TUBGCP2: variants seen among roughly 807,000 people sequenced by gnomAD.
The protein encoded by TUBGCP2 is tubulin gamma complex component 2.
A neutral mutation model predicts 92.2 loss-of-function variants in TUBGCP2; 55 were observed. That is an observed-to-expected ratio of 0.60 (90% confidence interval 0.48 to 0.75). The LOEUF (loss-of-function observed/expected upper bound fraction) is 0.75, where lower values mean the gene tolerates loss of function less well. Among genes scored for constraint, TUBGCP2 ranks in the 30% least tolerant of loss-of-function variants. The probability of loss-of-function intolerance (pLI) is 0.00; values close to 1 mark genes in which losing one functional copy is unlikely to be tolerated. For synonymous variants in TUBGCP2, 533 were observed against 505.2 expected (o/e 1.06, Z -0.74); for missense variants, 1,093 against 1,188.9 (o/e 0.92, Z 1.19).
intron 1 of TUBGCP2, among the ~76,000 whole-genome samples, chr10:133,303,376 G>A (rs577081094): frequency 2.6e-5 from 4 of 152,342 alleles, no homozygotes; most frequent in South Asian, 2.1e-4. Flanking sequence ...GGCGGCCTCC[G>A]CAGCTCCGGG....
intron 10 of TUBGCP2, among the ~76,000 whole-genome samples, 162 bp downstream of exon 10, chr10:133,288,678 G>GTT (rs1847195840): frequency 2.0e-5 from 3 of 151,930 alleles, no homozygotes; most frequent in Admixed American, 6.5e-5. Flanking sequence ...ACCACCCACT[G>GTT]TGAGTGCCAG....
chr10:133,293,093 G>C lies in TUBGCP2; in HGVS notation c.970C>G (p.Leu324Val), dbSNP rs747728123. 4 of 1,613,838 alleles carry C rather than the reference G, an allele frequency of 2.5e-6. 1 individual carries two copies. The South Asian group carries it at 4.4e-5, about 18-fold the overall frequency. The change falls in exon 7 of 18, where the codon CTC (leucine) becomes GTC (valine). Residue 324 changes from leucine (L) to valine (V), a missense_variant. By Grantham distance (32) the Leu-to-Val change is conservative. Around this residue, in one of 3 missense-constraint regions of TUBGCP2, gnomAD observed 490 missense variants for 488.5 expected, o/e 1.00. Coordinates refer to ENST00000252936, the MANE Select transcript of TUBGCP2 (RefSeq NM_006659.4). ...ATGGCTGGCTGGATGTAGAACCAGA[G>C]CTTCTGCAGCGAAAGGAGGCCCTGC... is the stretch of plus-strand genomic sequence containing the variant. ...HRQGLLSLQK[L>V]WFYIQPAMRT...
intron 9 of TUBGCP2, 59 bp from the exon 10 acceptor site, chr10:133,289,079 G>A: frequency 1.3e-6 from 2 of 1,562,704 alleles, no homozygotes; most frequent in Middle Eastern, 1.7e-4. Flanking sequence ...GGCCCCAGCT[G>A]TCTTTGTCTA....
At chr10:133,297,665 C>A (rs896602624) in intron 5 of TUBGCP2, among the ~76,000 whole-genome samples, 1 of 152,204 alleles carries the variant, frequency 6.6e-6, no homozygotes, top group South Asian at 2.1e-4. Flanking sequence ...TGGGGAGGGG[C>A]CTGCTGCAGG....
chr10:133,290,258 G>A lies in TUBGCP2; in HGVS notation c.1215-289C>T, dbSNP rs1847251177. On this transcript the variant is annotated intron_variant, in intron 8 of 17. Transcript: ENST00000252936. ...GCCTGTAACCCCAGCACTTTGGGAG[G>A]CTGAGGTGGGCAGATCACGAAGTCA... 36 of 332,620 alleles carry A rather than the reference G, an allele frequency of 1.1e-4. No individual in the cohort carries two copies. The South Asian group carries it at 1.3e-3, about 12-fold the overall frequency. 20.6% of individuals were successfully genotyped at this position (332,620 alleles called of 1,614,324 possible).
intron 17 of TUBGCP2, among the ~76,000 whole-genome samples, chr10:133,280,618 A>G (rs1298036846): frequency 6.6e-6 from 1 of 152,206 alleles, no homozygotes; most frequent in Non-Finnish European, 1.5e-5. Context: ...GTCACACCCC[A>G]GGGAGAGCTG....
rs1847712009 is a variant in TUBGCP2, at chr10:133,302,998, G to A, written c.-39-18C>T. The A allele has an allele frequency of 1.9e-6, 3 of 1,596,106 alleles. No individual in the cohort carries two copies. Among genetic ancestry groups the A allele is most frequent in the South Asian group, 1.1e-5 (1 of 90,616 alleles). On this transcript the variant is annotated intron_variant, in intron 1 of 17. Coordinates refer to ENST00000252936, the MANE Select transcript of TUBGCP2 (RefSeq NM_006659.4). ...ATGTTCTCCTATAGGTAAGAAGACA[G>A]CTATTCATAAAATTCAAACTGTAGA...
In TUBGCP2 at chr10:133,285,248, C is replaced by A. The variant is rs1847101459; in HGVS notation, c.1896-35G>T. 1 of 1,608,806 alleles carries A rather than the reference C, an allele frequency of 6.2e-7. No homozygotes were observed. Among genetic ancestry groups the A allele is most frequent in the African/African-American group, 1.3e-5 (1 of 74,936 alleles). On this transcript the variant is annotated intron_variant, in intron 12 of 17. Transcript: ENST00000252936. The surrounding 1 kb of genome is among the most constrained non-coding windows in gnomAD (Gnocchi z 6.8). ...ACGTGGCGGCACCTCAGGTGGGCCT[C>A]CGTGACCGGCGGCGTCGTGGACACG...
intron 2 of TUBGCP2, chr10:133,302,359 C>T: frequency 5.6e-6 from 1 of 178,790 alleles, no homozygotes; most frequent in Non-Finnish European, 1.1e-5. Flanking sequence ...TCACCCTGCA[C>T]CCCGCACAGC....
In TUBGCP2 at chr10:133,293,561, C is replaced by G. The variant is rs1360074402; in HGVS notation, c.824+1G>C. The G allele has an allele frequency of 2.8e-5, 43 of 1,551,278 alleles. No individual in the cohort carries two copies. Among genetic ancestry groups the G allele is most frequent in the Non-Finnish European group, 3.7e-5 (42 of 1,147,284 alleles). ...TCCCAGGGACCGCGCCCGGTGCCCA[C>G]CTGGTCACAGCGGAGTAGCTGGCGG... On this transcript the variant is annotated splice_donor_variant, in intron 6 of 17. Coordinates refer to ENST00000252936, the MANE Select transcript of TUBGCP2 (RefSeq NM_006659.4). LOFTEE classifies it high-confidence loss of function.
intron 11 of TUBGCP2, among the ~76,000 whole-genome samples, chr10:133,286,848 G>A (rs1010910377): frequency 6.6e-6 from 1 of 152,174 alleles, no homozygotes; most frequent in African/African-American, 2.4e-5. Context: ...AAATTATGAC[G>A]CTAGGGGATC....
rs760773137 is a variant in TUBGCP2, at chr10:133,289,961, A to G, written c.1223T>C (p.Met408Thr). Residue 408 changes from methionine to threonine, a missense_variant, in exon 9 of 18, where the codon ATG becomes ACG. Around this residue, in one of 3 missense-constraint regions of TUBGCP2, gnomAD observed 598 missense variants for 675.5 expected, o/e 0.89. Transcript: ENST00000252936. ...CTTCCGCAGCTCGTGCTCCTCGACC[A>G]TAAACTCACTAAAACCACAGGGAGC... Reference protein sequence around the residue: ...GIIHDPYSEFMVEEHELRKER... With the variant: ...GIIHDPYSEFTVEEHELRKER... 1.2e-6 allele frequency: 2 copies of G among 1,613,810 alleles called. No homozygotes were observed. Among genetic ancestry groups the G allele is most frequent in the Admixed American group, 1.7e-5 (1 of 60,022 alleles).
chr10:133,281,600 A>G, intron 16 of TUBGCP2, 164 bp from the exon 17 acceptor site: 1 of 951,352 alleles, frequency 1.1e-6, no homozygotes, highest in Non-Finnish European at 1.5e-6. Context: ...AAAAGACATC[A>G]AAAAACATTC....
At chr10:133,309,012 A>T (rs775486391), upstream of TUBGCP2, 161 of 1,257,594 alleles carry the variant, frequency 1.3e-4, 1 homozygote, top group Middle Eastern at 2.4e-3. Context: ...CGCTGCCTGT[A>T]GAGCGGGATC....
chr10:133,307,018 T>C (rs750441640), intron 1 of TUBGCP2, among the ~76,000 whole-genome samples: 1 of 152,096 alleles, frequency 6.6e-6, no homozygotes, highest in Non-Finnish European at 1.5e-5. Flanking sequence ...GTCACGGTCA[T>C]GGAAGGGTGC....
intron 9 of TUBGCP2, among the ~76,000 whole-genome samples, chr10:133,289,229 T>TA (rs1448548620): frequency 6.6e-6 from 1 of 152,206 alleles, no homozygotes; most frequent in Non-Finnish European, 1.5e-5. Flanking sequence ...TCCTTCCCGG[T>TA]AAATCACTGT....
Position 133,288,860 on chromosome 10 carries a change from C to G in TUBGCP2, c.1521G>C (p.Lys507Asn). The G allele has an allele frequency of 1.2e-6, 2 of 1,612,640 alleles. No individual in the cohort carries two copies. Among genetic ancestry groups the G allele is most frequent in the Non-Finnish European group, 1.7e-6 (2 of 1,179,234 alleles). Residue 507 changes from lysine (K) to asparagine (N), a missense_variant, in exon 10 of 18, where the codon AAG (lysine) becomes AAC (asparagine). Lys to Asn is a moderately conservative substitution (Grantham distance 94, BLOSUM62 0). This residue lies in a region of TUBGCP2 where 598 missense variants were observed against 675.5 expected (regional missense o/e 0.89). Transcript: ENST00000252936. The stretch of plus-strand genomic sequence containing the variant: ...ATCACCTGAGGTGAGCCACCAGCTC[C>G]TTCTCCTCCATCAGGAAGTCCAGCA... ...KVLLDFLMEE[K>N]ELVAHLRSIK...
At chr10:133,306,560 G>A (rs1015869063) in intron 1 of TUBGCP2, among the ~76,000 whole-genome samples, 3 of 152,132 alleles carry the variant, frequency 2.0e-5, no homozygotes, top group African/African-American at 7.2e-5. Flanking sequence ...AGCCAAGGTG[G>A]GCGGATCATG....
upstream of TUBGCP2, chr10:133,309,598 C>T (rs1260569586): frequency 2.4e-6 from 3 of 1,263,468 alleles, no homozygotes; most frequent in African/African-American, 1.5e-5. Context: ...CCAGCTTTGG[C>T]GTGGCCGACT....
Sources: gnomAD v4.1 joint callset for allele counts (sites outside exome capture counted in the v4.1 genomes callset) on GRCh38, gnomAD v4.1.1 for gene constraint, gnomAD v4.1.1 regional missense constraint, Gnocchi (gnomAD v3.1) non-coding constraint, MANE v1.5 for transcripts, NCBI Gene and HGNC (gene_info 2026-07-23, HGNC 2026-07-21) for gene names.